Variants in LUZP2 observed in about 807,000 individuals in gnomAD.
LUZP2 encodes the protein leucine zipper protein 2.
Under a neutral mutation model 51.6 loss-of-function variants are expected in LUZP2, and 52 were observed. That is an observed-to-expected ratio of 1.01 (90% CI 0.81 to 1.27). LUZP2 has a LOEUF of 1.27. Among genes scored for constraint, LUZP2 ranks in the 50% most tolerant of loss-of-function variants. LUZP2 has a pLI of 0.00. For synonymous variants in LUZP2, 154 were observed against 137.3 expected, an observed-to-expected ratio of 1.12 and a Z score of -0.85; for missense variants, 436 against 395.4, an observed-to-expected ratio of 1.10 and a Z score of -0.87.
intron 1 of LUZP2, among the ~76,000 whole-genome samples, chr11:24,664,190 G>A (rs892020615): frequency 4.9e-4 from 74 of 152,098 alleles, no homozygotes; most frequent in African/African-American, 1.8e-3. Flanking sequence ...TCAGAAGACA[G>A]GAAGATGTGG....
At chr11:24,530,762 C>CTTTTTTTTTTTTTTTTTT (rs367857815) in intron 1 of LUZP2, among the ~76,000 whole-genome samples, 2 of 75,368 alleles carry the variant, frequency 2.7e-5, no homozygotes, top group East Asian at 5.4e-4. Flanking sequence ...CTTCTTCTTA[C>CTTTTTTTTTTTTTTTTTT]TTTTTTTTTT....
chr11:24,547,634 T>C (rs1264788076), intron 1 of LUZP2, among the ~76,000 whole-genome samples: 1 of 151,920 alleles, frequency 6.6e-6, no homozygotes, highest in Non-Finnish European at 1.5e-5. Flanking sequence ...GAAGAAAACA[T>C]AGGAAATATC....
intron 1 of LUZP2, among the ~76,000 whole-genome samples, chr11:24,714,366 A>G (rs538806929): frequency 1.3e-5 from 2 of 152,336 alleles, no homozygotes; most frequent in Admixed American, 1.3e-4. Context: ...GAAGAAATAT[A>G]TAATTTTTGA....
intron 1 of LUZP2, among the ~76,000 whole-genome samples, chr11:24,542,452 A>AT (rs1590159612): frequency 6.6e-6 from 1 of 151,958 alleles, no homozygotes; most frequent in East Asian, 1.9e-4. Context: ...CAGGATTCTT[A>AT]TTTTTTTATG....
intron 9 of LUZP2, among the ~76,000 whole-genome samples, chr11:25,044,257 GTA>G (rs1235208041): frequency 0.018 from 1,083 of 60,654 alleles, 11 homozygotes; most frequent in Middle Eastern, 0.056. Flanking sequence ...GTGTGTGTGT[GTA>G]TATATATATA....
chr11:24,915,043 A>G (rs1853750564), intron 7 of LUZP2, among the ~76,000 whole-genome samples: 1 of 152,126 alleles, frequency 6.6e-6, no homozygotes, highest in South Asian at 2.1e-4. Context: ...TTTATGACTT[A>G]AAATATGAGA....
chr11:24,588,008 G>C (rs1193790538), intron 1 of LUZP2, among the ~76,000 whole-genome samples: 3 of 152,078 alleles, frequency 2.0e-5, no homozygotes, highest in African/African-American at 7.2e-5. Flanking sequence ...CTGATATGTA[G>C]AGAAACACAG....
At chr11:24,896,465 C>T (rs1032442991) in intron 5 of LUZP2, among the ~76,000 whole-genome samples, 1 of 152,184 alleles carries the variant, frequency 6.6e-6, no homozygotes, top group Non-Finnish European at 1.5e-5. Flanking sequence ...CGCCGGGTCC[C>T]CAGCACCACC....
chr11:24,557,974 G>A (rs1214246702), intron 1 of LUZP2, among the ~76,000 whole-genome samples: 3 of 152,080 alleles, frequency 2.0e-5, no homozygotes, highest in African/African-American at 7.2e-5. Flanking sequence ...TGTTTGCAGA[G>A]GAGATTGGTG....
chr11:24,964,914 A>G (rs1051597866), intron 7 of LUZP2, among the ~76,000 whole-genome samples: 1 of 151,960 alleles, frequency 6.6e-6, no homozygotes, highest in East Asian at 1.9e-4. Context: ...TTTCATGAAG[A>G]CAAACATGTT....
intron 9 of LUZP2, among the ~76,000 whole-genome samples, chr11:25,045,415 T>C (rs1858276336): frequency 6.6e-6 from 1 of 151,676 alleles, no homozygotes; most frequent in South Asian, 2.1e-4. Flanking sequence ...AGTTACACCG[T>C]CATTCTTTTC....
chr11:24,648,174 C>T (rs888508697), intron 1 of LUZP2, among the ~76,000 whole-genome samples: 1 of 151,840 alleles, frequency 6.6e-6, no homozygotes, highest in African/African-American at 2.4e-5. Context: ...GCTTGTCTTG[C>T]CTTATCTTTA....
chr11:24,924,726 T>A (rs1456685529), intron 7 of LUZP2, among the ~76,000 whole-genome samples: 1 of 152,178 alleles, frequency 6.6e-6, no homozygotes, highest in Admixed American at 6.5e-5. Flanking sequence ...ACATGTAAGA[T>A]GTTCATTGGT....
intron 1 of LUZP2, among the ~76,000 whole-genome samples, chr11:24,615,698 A>T (rs2133894987): frequency 6.6e-6 from 1 of 152,136 alleles, no homozygotes; most frequent in East Asian, 1.9e-4. Flanking sequence ...CAGTAGTAGC[A>T]TGTTTAGTTT....
chr11:24,534,695 CA>C (rs1851117839), intron 1 of LUZP2, among the ~76,000 whole-genome samples: 1 of 151,308 alleles, frequency 6.6e-6, no homozygotes, highest in Non-Finnish European at 1.5e-5. Context: ...GCAGACTTAT[CA>C]AAAGGAGAAA....
At chr11:24,618,802 G>A (rs1192742533) in intron 1 of LUZP2, among the ~76,000 whole-genome samples, 1 of 152,000 alleles carries the variant, frequency 6.6e-6, no homozygotes, top group Non-Finnish European at 1.5e-5. Flanking sequence ...CAGGGACAAG[G>A]ACCTCTATGC....
Position 24,633,916 on chromosome 11 carries a change from A to G in LUZP2, c.63-95253A>G, listed in dbSNP as rs1158387435. On this transcript the variant is annotated intron_variant, in intron 1 of 11. Transcript: ENST00000336930. The stretch of plus-strand genomic sequence containing the variant: ...TTCAAATTTGAAAAAAATTATTAAA[A>G]TGTATTTTTTTAGTCTAACACACGT... Among the ~76,000 whole-genome samples the G allele has an allele frequency of 7.3e-5, 11 of 150,716 alleles. No homozygotes were observed. The Admixed American group carries it at 7.3e-4, about 10-fold the overall frequency.
rs1565020486 is a variant in LUZP2, at chr11:24,602,151, T to TGC, written c.62+104846_62+104847insGC. On this transcript the variant is annotated intron_variant, in intron 1 of 11. Transcript: ENST00000336930. Reference sequence around the variant, plus strand: ...GTATATGTGTATATATGTATATATGTATATATGTATATATGTGTATATATA... The same window carrying TGC: ...GTATATGTGTATATATGTATATATGTGCATATATGTATATATGTGTATATATA... Among the ~76,000 whole-genome samples the TGC allele has an allele frequency of 3.9e-3, 488 of 125,898 alleles. 10 individuals carry two copies. The highest frequency in any genetic ancestry group is 0.015 in the African/African-American group (464 of 30,988). The allele number at this position is 125,898 out of a possible 152,430, so 82.6% of individuals were successfully genotyped here. A position where few individuals can be genotyped will look rare whatever the true frequency, so the allele number is the denominator to read the frequency against.
chr11:25,049,510 T>C (rs1261117321), intron 9 of LUZP2, among the ~76,000 whole-genome samples: 1 of 152,160 alleles, frequency 6.6e-6, no homozygotes, highest in East Asian at 1.9e-4. Flanking sequence ...AGAGATGAAT[T>C]CTAGAATAAT....
Sources: allele counts gnomAD v4.1 joint callset (sites outside exome capture counted in the v4.1 genomes callset), GRCh38; gene constraint gnomAD v4.1.1; transcripts MANE v1.5; gene names NCBI Gene and HGNC (gene_info 2026-07-23, HGNC 2026-07-21).